Variants in FNDC1 observed in about 807,000 individuals in gnomAD.
FNDC1 encodes fibronectin type III domain containing 1.
A neutral mutation model predicts 168.0 loss-of-function variants in FNDC1; 96 were observed. That is an observed-to-expected ratio of 0.57 (90% CI 0.48 to 0.68). The LOEUF (loss-of-function observed/expected upper bound fraction) is 0.68. Ranked by LOEUF, FNDC1 falls within the 30% of genes least tolerant of loss-of-function variation. FNDC1 has a pLI of 0.00. For missense variants in FNDC1, 2,587 were observed against 2,482.1 expected (o/e 1.04, Z -0.90); for synonymous variants, 1,099 against 1,025.9 (o/e 1.07, Z -1.36).
chr6:159,205,834 T>C (rs1384750834), intron 4 of FNDC1, among the ~76,000 whole-genome samples: 1 of 152,236 alleles, frequency 6.6e-6, no homozygotes, highest in Admixed American at 6.5e-5. Context: ...CTACTTTGAA[T>C]GTTTTAGGTC....
chr6:159,199,758 C>A (rs1478251887), intron 2 of FNDC1, among the ~76,000 whole-genome samples: 2 of 151,992 alleles, frequency 1.3e-5, no homozygotes, highest in African/African-American at 2.4e-5. Flanking sequence ...TGGCATGTAC[C>A]TTGTATGAAA....
At chr6:159,265,039 G>A in intron 20 of FNDC1, 35 bp downstream of exon 20, 1 of 1,560,156 alleles carries the variant, frequency 6.4e-7, no homozygotes, top group Non-Finnish European at 8.8e-7. Context: ...GGACATTCTG[G>A]TAATCAAGTT....
At chr6:159,248,649 T>C (rs1777189593) in intron 15 of FNDC1, among the ~76,000 whole-genome samples, 1 of 152,208 alleles carries the variant, frequency 6.6e-6, no homozygotes, top group African/African-American at 2.4e-5. Context: ...TTTTTGATGT[T>C]ACCTTTTATT....
intron 1 of FNDC1, among the ~76,000 whole-genome samples, chr6:159,195,358 G>A (rs1387733203): frequency 6.6e-6 from 1 of 151,482 alleles, no homozygotes; most frequent in Non-Finnish European, 1.5e-5. Flanking sequence ...AGTGATTGTG[G>A]TGGGTAGGGA....
At chr6:159,217,426 C>T (rs897201165) in intron 5 of FNDC1, among the ~76,000 whole-genome samples, 23 of 144,280 alleles carry the variant, frequency 1.6e-4, no homozygotes, top group African/African-American at 6.5e-4. Context: ...CCGAGGCCAG[C>T]CCCCTGGGTC....
chr6:159,265,757 G>A (rs535866586), intron 20 of FNDC1, among the ~76,000 whole-genome samples: 7 of 152,118 alleles, frequency 4.6e-5, no homozygotes, highest in South Asian at 2.1e-4. Flanking sequence ...GTGAAACCCC[G>A]TCTCTACTAA....
At position 159,232,122 on chromosome 6, in the gene FNDC1, C is replaced by T. The variant is rs891036973; in HGVS notation, c.1610C>T (p.Ser537Leu). The change falls in exon 11 of 23, where the codon TCG becomes TTG. Residue 537 changes from serine (S) to leucine (L), a missense_variant. Ser to Leu is a moderately radical substitution (Grantham distance 145). Transcript: ENST00000297267. This position sits in a 1 kb window ranked among gnomAD's most constrained non-coding sequence, Gnocchi z 4.9. ...AAGGCAGAGGAGCTGGATCTTCAGT[C>T]GACAGAAATCACTGGGGAGGAGGAG... ...AKKAEELDLQ[S>L]TEITGEEELG... is the part of the protein sequence containing the mutation. 2.1e-5 allele frequency: 34 copies of T among 1,613,768 alleles called. No homozygotes were observed. Among genetic ancestry groups the T allele is most frequent in the Middle Eastern group, 1.6e-4 (1 of 6,084 alleles).
intron 1 of FNDC1, among the ~76,000 whole-genome samples, chr6:159,178,499 C>T (rs1296488821): frequency 6.6e-6 from 1 of 152,112 alleles, no homozygotes; most frequent in Non-Finnish European, 1.5e-5. Flanking sequence ...CCAGCCAGGA[C>T]AGTGAAGATG....
chr6:159,267,851 T>A lies in FNDC1; in HGVS notation c.5494T>A (p.Cys1832Ser). The A allele has an allele frequency of 6.2e-7, 1 of 1,613,638 alleles. No individual in the cohort carries two copies. The highest frequency in any genetic ancestry group is 8.5e-7 in the Non-Finnish European group (1 of 1,179,760). Residue 1832 changes from cysteine to serine, a missense_variant, in exon 22 of 23, where the codon TGC (cysteine) becomes AGC (serine). Transcript: ENST00000297267. Reference sequence around the variant, plus strand: ...CAGCTGGGGAAGAGGTGAAGACCATTGCCAATTTGTGGATTCACACCTTGA... The same window carrying A: ...CAGCTGGGGAAGAGGTGAAGACCATAGCCAATTTGTGGATTCACACCTTGA... ...GDSWGRGEDH[C>S]QFVDSHLDGR...
At position 159,254,599 on chromosome 6, in the gene FNDC1, T is replaced by A. The variant is rs933213039; in HGVS notation, c.5066-1924T>A. ...GGTGGGTGCCTGTAGTCCCAGCTAC[T>A]CGGGAGGCTGAGGCAGGAGAATGGT... On this transcript the variant is annotated intron_variant, in intron 17 of 22. Coordinates refer to ENST00000297267, the MANE Select transcript of FNDC1 (RefSeq NM_032532.3). 2.0e-5 allele frequency among the ~76,000 whole-genome samples: 3 copies of A among 150,954 alleles called. No homozygotes were observed. The Admixed American group carries it at 2.0e-4, about 10-fold the overall frequency.
chr6:159,175,921 G>C (rs1373999831), intron 1 of FNDC1, among the ~76,000 whole-genome samples: 1 of 152,228 alleles, frequency 6.6e-6, no homozygotes, highest in Non-Finnish European at 1.5e-5. Flanking sequence ...TTTAAGTCAA[G>C]GAAAAATGCT....
Position 159,269,597 on chromosome 6 carries a change from G to GTCTA in FNDC1, c.5570-1678_5570-1675dup, listed in dbSNP as rs201581423. The stretch of plus-strand genomic sequence containing the variant: ...ATCCTATCTGTCTGTCTGTCTGTCT[G>GTCTA]TCTATCTATCTATCTATCTATCTAT... On this transcript the variant is annotated intron_variant, in intron 22 of 22. Coordinates refer to ENST00000297267, the MANE Select transcript of FNDC1 (RefSeq NM_032532.3). Among the ~76,000 whole-genome samples the GTCTA allele has an allele frequency of 6.9e-3, 860 of 123,926 alleles. 8 individuals are homozygous for GTCTA. Among genetic ancestry groups the GTCTA allele is most frequent in the Middle Eastern group, 0.012 (3 of 254 alleles). 81.3% of individuals were successfully genotyped at this position (123,926 alleles called of 152,430 possible).
Position 159,195,002 on chromosome 6 carries a change from G to A in FNDC1, c.110-2429G>A, listed in dbSNP as rs148770601. Among the ~76,000 whole-genome samples, 92 of 152,192 alleles carry A rather than the reference G, an allele frequency of 6.0e-4. 1 individual carries two copies. Among genetic ancestry groups the A allele is most frequent in the Middle Eastern group, 6.8e-3 (2 of 294 alleles). On this transcript the variant is annotated intron_variant, in intron 1 of 22. Coordinates refer to ENST00000297267, the MANE Select transcript of FNDC1 (RefSeq NM_032532.3). Reference sequence around the variant, plus strand: ...ATGAAAATATCTCATCAGGTCAAGCGTTTTGTTTAACAGGTCCAGTCTGTG... The same window carrying A: ...ATGAAAATATCTCATCAGGTCAAGCATTTTGTTTAACAGGTCCAGTCTGTG...
At position 159,200,535 on chromosome 6, in the gene FNDC1, T is replaced by C. The variant is rs1378058623; in HGVS notation, c.414T>C (p.Asp138=). The C allele has an allele frequency of 3.1e-6, 5 of 1,600,764 alleles. No homozygotes were observed. Among genetic ancestry groups the C allele is most frequent in the South Asian group, 2.3e-5 (2 of 88,132 alleles). The change falls in exon 4 of 23, where the codon GAT becomes GAC. Residue 138 remains aspartate (D), a synonymous_variant. Transcript: ENST00000297267. ...SPPGGEWIEI[D]GFPIKGPGPF... ...TAGGAGGTGAATGGATCGAGATTGA[T>C]GGTTTTCCCATTAAGGGTCCAGGAC...
chr6:159,255,952 T>G (rs1282618815), intron 17 of FNDC1, among the ~76,000 whole-genome samples: 1 of 152,038 alleles, frequency 6.6e-6, no homozygotes, highest in African/African-American at 2.4e-5. Context: ...GGTTGGACAA[T>G]AGAAAGAAGA....
chr6:159,269,682 T>C (rs1324603845), intron 22 of FNDC1, among the ~76,000 whole-genome samples: 1 of 151,996 alleles, frequency 6.6e-6, no homozygotes, highest in African/African-American at 2.4e-5. Flanking sequence ...CTCACACAAT[T>C]GTGGAAACTG....
intron 18 of FNDC1, among the ~76,000 whole-genome samples, chr6:159,257,339 CT>C (rs1215173561): frequency 6.6e-6 from 1 of 152,224 alleles, no homozygotes; most frequent in East Asian, 1.9e-4. Context: ...TGGGAAAAAA[CT>C]TCCTTGGTTG....
chr6:159,239,387 T>C (rs1783348557), intron 13 of FNDC1, 130 bp from the exon 14 acceptor site: 1 of 750,336 alleles, frequency 1.3e-6, no homozygotes, highest in Non-Finnish European at 2.1e-6. Flanking sequence ...GCAATATTCA[T>C]TTATCCCTTT....
At chr6:159,180,638 T>A (rs559690692) in intron 1 of FNDC1, among the ~76,000 whole-genome samples, 1 of 152,052 alleles carries the variant, frequency 6.6e-6, no homozygotes, top group Non-Finnish European at 1.5e-5. Context: ...CAACCCCCTG[T>A]CCTCCCCTGA....
Sources: allele counts gnomAD v4.1 joint callset (sites outside exome capture counted in the v4.1 genomes callset), GRCh38; gene constraint gnomAD v4.1.1; non-coding constraint Gnocchi (gnomAD v3.1); transcripts MANE v1.5; gene names NCBI Gene and HGNC (gene_info 2026-07-23, HGNC 2026-07-21).